PIK3C2G: variants seen among roughly 807,000 people sequenced by gnomAD.
PIK3C2G encodes phosphatidylinositol-4-phosphate 3-kinase catalytic subunit type 2 gamma.
PIK3C2G carries 168 observed loss-of-function variants against 181.1 expected under a neutral mutation model. That is an observed-to-expected ratio of 0.93 (90% CI 0.82 to 1.05). The LOEUF is 1.05. PIK3C2G is among the 50% of genes least tolerant of loss of function. PIK3C2G has a pLI of 0.00. For missense variants in PIK3C2G, 1,869 were observed against 1,732.8 expected, an observed-to-expected ratio of 1.08 and a Z score of -1.40; for synonymous variants, 573 against 592.2, an observed-to-expected ratio of 0.97 and a Z score of 0.47.
At chr12:18,329,896 C>G (rs1235829567) in intron 8 of PIK3C2G, among the ~76,000 whole-genome samples, 1 of 152,054 alleles carries the variant, frequency 6.6e-6, no homozygotes, top group Admixed American at 6.6e-5. Flanking sequence ...TTTGTATTAA[C>G]TTTAATTTTT....
chr12:18,302,536 G>A (rs535339798), intron 5 of PIK3C2G, among the ~76,000 whole-genome samples: 3 of 152,260 alleles, frequency 2.0e-5, no homozygotes, highest in South Asian at 2.1e-4. Flanking sequence ...ACTGATGACA[G>A]GCATTTTGGG....
At chr12:18,357,799 G>A (rs1414658386) in intron 11 of PIK3C2G, among the ~76,000 whole-genome samples, 3 of 152,112 alleles carry the variant, frequency 2.0e-5, no homozygotes, top group African/African-American at 7.2e-5. Flanking sequence ...ATCTCCAAGT[G>A]CCCGGTAACC....
At chr12:18,703,381 A>C in the PIK3C2G span, among the ~76,000 whole-genome samples, 3 of 152,160 alleles carry the variant, frequency 2.0e-5, no homozygotes, top group Non-Finnish European at 4.4e-5. Context: ...AAAGAAGTAA[A>C]ATTTGAAGAT....
chr12:18,283,824 G>A (rs1949325608), intron 2 of PIK3C2G, among the ~76,000 whole-genome samples: 1 of 152,068 alleles, frequency 6.6e-6, no homozygotes, highest in South Asian at 2.1e-4. Context: ...TATACAATTA[G>A]ACGAAATAAG....
Position 18,579,967 on chromosome 12 carries a change from T to C in PIK3C2G, c.4011+12910T>C, listed in dbSNP as rs190523137. On this transcript the variant is annotated intron_variant, in intron 29 of 32. Transcript: ENST00000538779. ...GGCCAACATGGTGAAACCCTGTGTC[T>C]ACTAAAAATACAAAAATTAGCCAGG... Among the ~76,000 whole-genome samples, 14 of 152,162 alleles carry C rather than the reference T, an allele frequency of 9.2e-5. No homozygotes were observed. In the East Asian group the frequency reaches 2.7e-3, roughly 30 times the overall value.
intron 12 of PIK3C2G, among the ~76,000 whole-genome samples, chr12:18,365,432 C>T (rs558213013): frequency 7.7e-4 from 118 of 152,298 alleles, no homozygotes; most frequent in African/African-American, 1.7e-3. Context: ...AGGCTTTCAT[C>T]ACCTCTGCTC....
chr12:18,344,938 G>A (rs1177796355), intron 10 of PIK3C2G, among the ~76,000 whole-genome samples: 1 of 152,132 alleles, frequency 6.6e-6, no homozygotes, highest in Admixed American at 6.5e-5. Flanking sequence ...CAAACTCAAA[G>A]TAGCAAATTT....
At chr12:18,262,426 A>G (rs1948285274) in intron 1 of PIK3C2G, among the ~76,000 whole-genome samples, 1 of 152,092 alleles carries the variant, frequency 6.6e-6, no homozygotes, top group South Asian at 2.1e-4. Context: ...TCATGTCATT[A>G]ATAATGTTAT....
chr12:18,715,123 C>A, the PIK3C2G span, among the ~76,000 whole-genome samples: 1 of 130,952 alleles, frequency 7.6e-6, no homozygotes, highest in African/African-American at 2.9e-5. Context: ...AACACTAAGT[C>A]AATGTACTGA....
intron 18 of PIK3C2G, among the ~76,000 whole-genome samples, chr12:18,427,786 A>G (rs1471119634): frequency 6.6e-6 from 1 of 152,104 alleles, no homozygotes; most frequent in African/African-American, 2.4e-5. Context: ...CCTTTCGAAA[A>G]AAAAAATCAA....
intron 31 of PIK3C2G, among the ~76,000 whole-genome samples, chr12:18,633,368 A>G (rs1156737802): frequency 6.6e-6 from 1 of 152,244 alleles, no homozygotes; most frequent in Non-Finnish European, 1.5e-5. Flanking sequence ...GTAAATACTC[A>G]TGATACTTAA....
intron 24 of PIK3C2G, among the ~76,000 whole-genome samples, chr12:18,534,682 C>T (rs1943746137): frequency 1.9e-5 from 1 of 53,602 alleles, no homozygotes; most frequent in South Asian, 1.2e-3. Context: ...TCATACGGGT[C>T]ATTTGGATTA....
chr12:18,400,122 G>A (rs964469080), intron 16 of PIK3C2G, among the ~76,000 whole-genome samples: 8 of 151,948 alleles, frequency 5.3e-5, no homozygotes, highest in Non-Finnish European at 7.4e-5. Flanking sequence ...ATTAAGCAGG[G>A]AAAAATAAAA....
chr12:18,252,332 T>A (rs1274370656), intron 1 of PIK3C2G, among the ~76,000 whole-genome samples: 1 of 152,102 alleles, frequency 6.6e-6, no homozygotes, highest in Non-Finnish European at 1.5e-5. Flanking sequence ...CAAATTACTC[T>A]TCACCCAAGA....
intron 25 of PIK3C2G, among the ~76,000 whole-genome samples, chr12:18,539,175 G>A (rs1181789501): frequency 6.6e-6 from 1 of 151,880 alleles, no homozygotes; most frequent in Non-Finnish European, 1.5e-5. Flanking sequence ...TTCAATCCTA[G>A]TTTGGCATTT....
At chr12:18,577,118 T>C (rs1394484356) in intron 29 of PIK3C2G, among the ~76,000 whole-genome samples, 2 of 152,136 alleles carry the variant, frequency 1.3e-5, no homozygotes, top group Non-Finnish European at 2.9e-5. Context: ...AATAGGAAAC[T>C]CCTAAATGTA....
At chr12:18,422,501 G>C (rs1945546106) in intron 17 of PIK3C2G, among the ~76,000 whole-genome samples, 1 of 152,020 alleles carries the variant, frequency 6.6e-6, no homozygotes, top group African/African-American at 2.4e-5. Flanking sequence ...AAAGCTGTAA[G>C]AAAAGACCCT....
chr12:18,523,694 C>A (rs1322830924), intron 24 of PIK3C2G, among the ~76,000 whole-genome samples: 1 of 152,196 alleles, frequency 6.6e-6, no homozygotes, highest in Non-Finnish European at 1.5e-5. Flanking sequence ...TGGATCACCT[C>A]TTCATGGCCA....
intron 11 of PIK3C2G, among the ~76,000 whole-genome samples, chr12:18,348,518 A>C (rs1376730404): frequency 6.6e-6 from 1 of 152,170 alleles, no homozygotes; most frequent in East Asian, 1.9e-4. Flanking sequence ...TATAATCAAT[A>C]AATAAATTAG....
Sources: gnomAD v4.1 joint callset for allele counts (sites outside exome capture counted in the v4.1 genomes callset) on GRCh38, gnomAD v4.1.1 for gene constraint, MANE v1.5 for transcripts, NCBI Gene and HGNC (gene_info 2026-07-23, HGNC 2026-07-21) for gene names.